The following ASB3 variants were observed in gnomAD, a reference collection of about 807,000 sequenced individuals.
ASB3 encodes ankyrin repeat and SOCS box protein 3.
Under a neutral mutation model 54.5 loss-of-function variants are expected in ASB3, and 41 were observed. The observed-to-expected ratio is 0.75, with a 90% CI of 0.59 to 0.98. The LOEUF (loss-of-function observed/expected upper bound fraction) is 0.98. Among genes scored for constraint, ASB3 ranks in the 50% least tolerant of loss-of-function variants. ASB3 has a pLI of 0.00. For missense variants in ASB3, 733 were observed against 620.0 expected (o/e 1.18, Z -1.94); for synonymous variants, 266 against 221.2 (o/e 1.20, Z -1.80).
intron 9 of ASB3, among the ~76,000 whole-genome samples, chr2:53,675,813 G>A (rs778483745): frequency 6.6e-6 from 1 of 152,092 alleles, no homozygotes; most frequent in East Asian, 1.9e-4. Context: ...AGAAAATAAC[G>A]TAACAATAAA....
chr2:53,750,098 T>G (rs948892140), intron 3 of ASB3, among the ~76,000 whole-genome samples: 4 of 152,104 alleles, frequency 2.6e-5, no homozygotes, highest in Non-Finnish European at 4.4e-5. Flanking sequence ...ACAAATTACA[T>G]GTGGCAGGAC....
Position 53,675,038 on chromosome 2 carries a change from T to C in ASB3, c.1370-4348A>G, listed in dbSNP as rs62139786. Among the ~76,000 whole-genome samples the C allele has an allele frequency of 4.3e-3, 661 of 152,272 alleles. 2 individuals carry two copies. The highest frequency in any genetic ancestry group is 0.013 in the South Asian group (63 of 4,830). On this transcript the variant is annotated intron_variant, in intron 9 of 9. Transcript: ENST00000263634. ...AACTAGCTGTGTGACCCTGGGCAAGTCATCTAAATATTCTGACTTTCAGTT... is the reference window on the plus strand; with the variant it reads ...AACTAGCTGTGTGACCCTGGGCAAGCCATCTAAATATTCTGACTTTCAGTT...
chr2:53,679,204 A>G (rs1438069735), intron 9 of ASB3, among the ~76,000 whole-genome samples: 1 of 152,220 alleles, frequency 6.6e-6, no homozygotes, highest in African/African-American at 2.4e-5. Flanking sequence ...AAGAAAACTA[A>G]GCAATGCTGG....
chr2:53,739,998 T>G (rs1671843123), intron 3 of ASB3, among the ~76,000 whole-genome samples: 1 of 152,188 alleles, frequency 6.6e-6, no homozygotes, highest in African/African-American at 2.4e-5. Context: ...GAGGCTCAGA[T>G]TTTGACAATA....
At chr2:53,757,868 T>G (rs1672923367) in intron 2 of ASB3, among the ~76,000 whole-genome samples, 1 of 152,306 alleles carries the variant, frequency 6.6e-6, no homozygotes, top group East Asian at 1.9e-4. Flanking sequence ...AGCTTATCCC[T>G]CTGCAATACA....
intron 2 of ASB3, among the ~76,000 whole-genome samples, chr2:53,757,307 G>A (rs1267792268): frequency 6.6e-6 from 1 of 152,248 alleles, no homozygotes; most frequent in Non-Finnish European, 1.5e-5. Flanking sequence ...CTTCTGGGTT[G>A]GGAGCGTTGG....
In ASB3 at chr2:53,733,615, T is replaced by C. The variant is rs572571047; in HGVS notation, c.356-4045A>G. ...TGACACCACACCCACCTAATTTTTGTATTTTTAGTAGAGACAGGGTTTCTC... is the reference window on the plus strand; with the variant it reads ...TGACACCACACCCACCTAATTTTTGCATTTTTAGTAGAGACAGGGTTTCTC... On this transcript the variant is annotated intron_variant, in intron 3 of 9. Coordinates refer to ENST00000263634, the MANE Select transcript of ASB3 (RefSeq NM_016115.5). 1.8e-4 allele frequency among the ~76,000 whole-genome samples: 27 copies of C among 152,276 alleles called. No individual in the cohort carries two copies. In the South Asian group the frequency reaches 5.6e-3, roughly 32 times the overall value.
intron 5 of ASB3, among the ~76,000 whole-genome samples, chr2:53,727,854 T>C (rs571427348): frequency 1.3e-5 from 2 of 152,246 alleles, no homozygotes; most frequent in South Asian, 4.2e-4. Flanking sequence ...GCTTCCCTAG[T>C]AGTTGGGATT....
chr2:53,680,214 T>C (rs1472352380), intron 9 of ASB3, among the ~76,000 whole-genome samples: 2 of 152,236 alleles, frequency 1.3e-5, no homozygotes, highest in Non-Finnish European at 2.9e-5. Flanking sequence ...TATGTGTACA[T>C]GTGTCTTTAT....
intron 3 of ASB3, among the ~76,000 whole-genome samples, chr2:53,732,033 C>T (rs576256882): frequency 6.6e-6 from 1 of 152,000 alleles, no homozygotes; most frequent in Non-Finnish European, 1.5e-5. Flanking sequence ...ACTCGGCTTA[C>T]TGCAACCTCC....
chr2:53,752,277 C>T (rs1368250617), intron 2 of ASB3, among the ~76,000 whole-genome samples: 1 of 152,176 alleles, frequency 6.6e-6, no homozygotes, highest in Non-Finnish European at 1.5e-5. Context: ...CTTAGTTCAG[C>T]TAAAATCCGG....
At chr2:53,784,794 A>G (rs1674844778) in intron 1 of ASB3, among the ~76,000 whole-genome samples, 1 of 152,114 alleles carries the variant, frequency 6.6e-6, no homozygotes, top group Non-Finnish European at 1.5e-5. Flanking sequence ...ATTTGCAAAG[A>G]CCCTATCCCA....
intron 3 of ASB3, among the ~76,000 whole-genome samples, chr2:53,735,374 C>CG (rs1170433989): frequency 6.6e-6 from 1 of 151,780 alleles, no homozygotes; most frequent in Non-Finnish European, 1.5e-5. Flanking sequence ...GACATTCTAT[C>CG]AGCCCCTTAA....
In ASB3 at chr2:53,765,467, C is replaced by T; in HGVS notation, c.106G>A (p.Val36Ile). Reference sequence around the variant, plus strand: ...CATCCCCTGTTATCAGCAACATCGACACTTCGGCCCTTTTTGAGCAGTTTC... The same window carrying T: ...CATCCCCTGTTATCAGCAACATCGATACTTCGGCCCTTTTTGAGCAGTTTC... ...LRKLLKKGRS[V>I]DVADNRGWMP... is the part of the protein sequence containing the mutation. The change falls in exon 2 of 10, where the codon GTC becomes ATC. Residue 36 changes from valine to isoleucine, a missense_variant. Coordinates refer to ENST00000263634, the MANE Select transcript of ASB3 (RefSeq NM_016115.5). The T allele has an allele frequency of 6.2e-7, 1 of 1,614,228 alleles. No individual in the cohort carries two copies. Among genetic ancestry groups the T allele is most frequent in the South Asian group, 1.1e-5 (1 of 91,082 alleles).
chr2:53,692,905 C>T (rs1668993050), intron 9 of ASB3, among the ~76,000 whole-genome samples: 3 of 152,134 alleles, frequency 2.0e-5, no homozygotes, highest in Admixed American at 2.0e-4. Context: ...GGCTGAAAGA[C>T]TCCAAATCAA....
intron 1 of ASB3, among the ~76,000 whole-genome samples, chr2:53,766,899 A>T (rs895101345): frequency 2.6e-5 from 4 of 152,194 alleles, no homozygotes; most frequent in African/African-American, 9.7e-5. Context: ...ATGGTATAAA[A>T]ATCTTCAAGA....
intron 7 of ASB3, among the ~76,000 whole-genome samples, chr2:53,709,551 G>A (rs552741355): frequency 6.6e-6 from 1 of 152,278 alleles, no homozygotes; most frequent in East Asian, 1.9e-4. Context: ...GGCTGGAGGT[G>A]GAAAGAGCAT....
At chr2:53,718,488 G>C (rs1222494185) in intron 5 of ASB3, among the ~76,000 whole-genome samples, 1 of 152,080 alleles carries the variant, frequency 6.6e-6, no homozygotes, top group Non-Finnish European at 1.5e-5. Flanking sequence ...GTTACCACTA[G>C]ACCAGTCTTA....
chr2:53,739,450 T>C (rs1671814173), intron 3 of ASB3, among the ~76,000 whole-genome samples: 1 of 152,260 alleles, frequency 6.6e-6, no homozygotes, highest in East Asian at 1.9e-4. Context: ...GATCATTGTT[T>C]AATATAGCAT....
Sources: gnomAD v4.1 joint callset for allele counts (sites outside exome capture counted in the v4.1 genomes callset) on GRCh38, gnomAD v4.1.1 for gene constraint, MANE v1.5 for transcripts, NCBI Gene and HGNC (gene_info 2026-07-23, HGNC 2026-07-21) for gene names.